Variants in SPATA16 observed in about 807,000 individuals in gnomAD.
SPATA16 encodes spermatogenesis associated 16.
Under a neutral mutation model 63.3 loss-of-function variants are expected in SPATA16, and 36 were observed. That is an observed-to-expected ratio of 0.57 (90% confidence interval 0.44 to 0.75). The LOEUF is 0.75. SPATA16 is among the 30% of genes least tolerant of loss of function. The pLI, the probability that SPATA16 is intolerant of heterozygous loss-of-function variation, is 0.00. For missense variants in SPATA16, 646 were observed against 679.3 expected, an observed-to-expected ratio of 0.95 and a Z score of 0.54; for synonymous variants, 203 against 216.7, an observed-to-expected ratio of 0.94 and a Z score of 0.56.
At chr3:173,097,786 C>T (rs537900748) in intron 2 of SPATA16, among the ~76,000 whole-genome samples, 40 of 152,276 alleles carry the variant, frequency 2.6e-4, no homozygotes, top group Admixed American at 5.9e-4. Context: ...TGCTCTACTT[C>T]CAGCAGAGTT....
At chr3:173,113,784 C>T (rs961310954) in intron 2 of SPATA16, among the ~76,000 whole-genome samples, 4 of 152,146 alleles carry the variant, frequency 2.6e-5, no homozygotes, top group African/African-American at 7.2e-5. Flanking sequence ...GCCTTTGCTC[C>T]GTTCTTACTT....
chr3:173,112,087 T>C (rs921696726), intron 2 of SPATA16, among the ~76,000 whole-genome samples: 5 of 152,276 alleles, frequency 3.3e-5, no homozygotes, highest in Admixed American at 1.3e-4. Flanking sequence ...ATTTTTGTAA[T>C]GTTCTTGTAC....
intron 3 of SPATA16, among the ~76,000 whole-genome samples, chr3:173,033,280 A>G (rs1297024661): frequency 6.6e-6 from 1 of 152,178 alleles, no homozygotes; most frequent in Non-Finnish European, 1.5e-5. Context: ...GATAGAGTGA[A>G]CGTGAAATAA....
chr3:173,005,327 GAAAAAAAA>G (rs531594936), intron 4 of SPATA16, among the ~76,000 whole-genome samples: 10 of 78,842 alleles, frequency 1.3e-4, no homozygotes, highest in African/African-American at 2.7e-4. Context: ...TGTCTCAAAA[GAAAAAAAA>G]AAAAAAAAAA....
intron 3 of SPATA16, among the ~76,000 whole-genome samples, chr3:173,020,086 A>G (rs1735289848): frequency 6.6e-6 from 1 of 151,964 alleles, no homozygotes; most frequent in African/African-American, 2.4e-5. Flanking sequence ...ACCTGAGGTC[A>G]TGAGTTCAAG....
At chr3:173,118,806 A>G (rs1264903265) in intron 1 of SPATA16, among the ~76,000 whole-genome samples, 1 of 152,248 alleles carries the variant, frequency 6.6e-6, no homozygotes, top group African/African-American at 2.4e-5. Context: ...TACTTCCTCT[A>G]TAACATGAGG....
intron 8 of SPATA16, among the ~76,000 whole-genome samples, chr3:172,922,617 A>G (rs1239075727): frequency 6.6e-6 from 1 of 152,200 alleles, no homozygotes; most frequent in African/African-American, 2.4e-5. Context: ...TAAGGCAGGC[A>G]TTGCTTCAAA....
At chr3:173,055,600 A>T (rs1301578300) in intron 2 of SPATA16, among the ~76,000 whole-genome samples, 1 of 152,240 alleles carries the variant, frequency 6.6e-6, no homozygotes, top group African/African-American at 2.4e-5. Flanking sequence ...GGAGCTAGGG[A>T]CTGCATAGGT....
At chr3:173,023,270 A>C (rs1272778131) in intron 3 of SPATA16, among the ~76,000 whole-genome samples, 1 of 151,724 alleles carries the variant, frequency 6.6e-6, no homozygotes, top group Non-Finnish European at 1.5e-5. Flanking sequence ...TTGATAAATA[A>C]TCCATCCTTC....
At chr3:173,136,136 A>G (rs1413224071) in intron 1 of SPATA16, among the ~76,000 whole-genome samples, 2 of 152,178 alleles carry the variant, frequency 1.3e-5, no homozygotes, top group South Asian at 4.1e-4. Flanking sequence ...CCAGGAGGGT[A>G]AAACCACACA....
chr3:173,036,730 G>T (rs1165279551), intron 3 of SPATA16, among the ~76,000 whole-genome samples: 1 of 151,876 alleles, frequency 6.6e-6, no homozygotes, highest in Non-Finnish European at 1.5e-5. Flanking sequence ...ATTGAATTTT[G>T]TTCATATAAG....
At chr3:172,927,264 C>G (rs2109581331) in intron 6 of SPATA16, among the ~76,000 whole-genome samples, 2 of 152,244 alleles carry the variant, frequency 1.3e-5, no homozygotes, top group South Asian at 4.1e-4. Context: ...CTCCACAGAA[C>G]CTCAGTTTTT....
At chr3:172,919,182 C>G (rs1170217985) in intron 8 of SPATA16, among the ~76,000 whole-genome samples, 1 of 152,174 alleles carries the variant, frequency 6.6e-6, no homozygotes, top group African/African-American at 2.4e-5. Context: ...ATTATTTTAA[C>G]TCTTTAACAT....
chr3:172,943,736 T>C (rs56773392), intron 6 of SPATA16, among the ~76,000 whole-genome samples: 13,313 of 152,110 alleles, frequency 0.088, 1,946 homozygotes, highest in African/African-American at 0.3. Context: ...CAAGACTCCA[T>C]CTTAAAAACA....
At chr3:173,067,574 G>C (rs867149780) in intron 2 of SPATA16, among the ~76,000 whole-genome samples, 1 of 151,868 alleles carries the variant, frequency 6.6e-6, no homozygotes, top group Non-Finnish European at 1.5e-5. Flanking sequence ...AAACCTGCAC[G>C]CATACCCCCG....
intron 2 of SPATA16, among the ~76,000 whole-genome samples, chr3:173,107,198 G>A (rs1737640214): frequency 1.3e-5 from 2 of 152,186 alleles, no homozygotes; most frequent in African/African-American, 2.4e-5. Context: ...CAGTGACATT[G>A]TAGTGACTTA....
intron 4 of SPATA16, among the ~76,000 whole-genome samples, chr3:172,993,125 T>C (rs1355257045): frequency 6.6e-6 from 1 of 151,498 alleles, no homozygotes; most frequent in Non-Finnish European, 1.5e-5. Flanking sequence ...TGAAGATTGA[T>C]CCCAAAACTG....
chr3:173,068,010 A>G (rs1186940805), intron 2 of SPATA16, among the ~76,000 whole-genome samples: 1 of 152,252 alleles, frequency 6.6e-6, no homozygotes, highest in Non-Finnish European at 1.5e-5. Context: ...ACATCCAGCA[A>G]AATTATCCTT....
At chr3:173,139,954 C>T (rs2108353450) in intron 1 of SPATA16, among the ~76,000 whole-genome samples, 1 of 152,082 alleles carries the variant, frequency 6.6e-6, no homozygotes, top group Non-Finnish European at 1.5e-5. Flanking sequence ...CACGGCACTC[C>T]AGCCTGGGTG....
Sources: allele counts gnomAD v4.1 joint callset (sites outside exome capture counted in the v4.1 genomes callset), GRCh38; gene constraint gnomAD v4.1.1; transcripts MANE v1.5; gene names NCBI Gene and HGNC (gene_info 2026-07-23, HGNC 2026-07-21).